Variants in ARMC9 observed in about 807,000 individuals in gnomAD.
ARMC9 encodes the protein lisH domain-containing protein ARMC9.
Under a neutral mutation model 107.0 loss-of-function variants are expected in ARMC9, and 94 were observed. That is an observed-to-expected ratio of 0.88 (90% CI 0.74 to 1.04). The LOEUF (loss-of-function observed/expected upper bound fraction) is 1.04. ARMC9 is among the 50% of genes least tolerant of loss of function. The probability of loss-of-function intolerance (pLI) is 0.00; values close to 1 mark genes in which losing one functional copy is unlikely to be tolerated. For missense variants in ARMC9, 942 were observed against 1,030.1 expected, an observed-to-expected ratio of 0.91 and a Z score of 1.17; for synonymous variants, 380 against 396.9, an observed-to-expected ratio of 0.96 and a Z score of 0.51.
At chr2:231,200,908 GA>G (rs2125296205) in intron 1 of ARMC9, among the ~76,000 whole-genome samples, 1 of 152,018 alleles carries the variant, frequency 6.6e-6, no homozygotes, top group East Asian at 1.9e-4. Flanking sequence ...TTCTTGAAAA[GA>G]GATTAAATCT....
At chr2:231,303,558 T>C (rs1157405780) in intron 19 of ARMC9, among the ~76,000 whole-genome samples, 1 of 152,240 alleles carries the variant, frequency 6.6e-6, no homozygotes, top group East Asian at 1.9e-4. Flanking sequence ...AGTGTTGGGT[T>C]TTGTTAAATG....
rs114021543 is a variant in ARMC9 at position 231,330,389 on chromosome 2, C to T, written c.1774-1404C>T. ...GATGGGGGGTCCCGGAAACCCACTA[C>T]GCCTCCACTAATGCCTCCCTGCCTA... On this transcript the variant is annotated intron_variant, in intron 19 of 24. Coordinates refer to ENST00000611582, the MANE Select transcript of ARMC9 (RefSeq NM_001352754.2). Among the ~76,000 whole-genome samples, 1,261 of 152,272 alleles carry T rather than the reference C, an allele frequency of 8.3e-3. 9 individuals carry two copies. The highest frequency in any genetic ancestry group is 0.016 in the African/African-American group (669 of 41,552).
chr2:231,343,831 G>A (rs1231383111), intron 20 of ARMC9, among the ~76,000 whole-genome samples: 1 of 151,812 alleles, frequency 6.6e-6, no homozygotes, highest in African/African-American at 2.4e-5. Flanking sequence ...CCCATCTACT[G>A]GGGAGGCTAA....
intron 23 of ARMC9, among the ~76,000 whole-genome samples, chr2:231,365,797 GTTTCTT>G (rs2045793085): frequency 6.6e-6 from 1 of 151,938 alleles, no homozygotes; most frequent in Admixed American, 6.6e-5. Context: ...TTCATGTGTC[GTTTCTT>G]TTTCTTTTTT....
intron 21 of ARMC9, among the ~76,000 whole-genome samples, chr2:231,353,456 A>G (rs1414421885): frequency 7.7e-6 from 1 of 129,820 alleles, no homozygotes; most frequent in East Asian, 1.9e-4. Flanking sequence ...TGCTGGGATT[A>G]CAGGTGTGAG....
In ARMC9 at chr2:231,342,385, C is replaced by T. The variant is rs142998872; in HGVS notation, c.1879-2590C>T. 3.6e-3 allele frequency among the ~76,000 whole-genome samples: 551 copies of T among 152,316 alleles called. 2 individuals carry two copies. Among genetic ancestry groups the T allele is most frequent in the African/African-American group, 0.011 (470 of 41,566 alleles). On this transcript the variant is annotated intron_variant, in intron 20 of 24. Coordinates refer to ENST00000611582, the MANE Select transcript of ARMC9 (RefSeq NM_001352754.2). ...TAACTGGCAGAGTCTAAAATATTCT[C>T]GAATACGTGACATGTTCTGTCATTT... is the stretch of plus-strand genomic sequence containing the variant.
At chr2:231,347,515 G>A (rs1230049214) in intron 21 of ARMC9, among the ~76,000 whole-genome samples, 2 of 152,098 alleles carry the variant, frequency 1.3e-5, no homozygotes, top group East Asian at 1.9e-4. Context: ...TCTGTCCTTT[G>A]CATCTCGAGC....
chr2:231,258,480 C>T, intron 10 of ARMC9, among the ~76,000 whole-genome samples: 1 of 152,152 alleles, frequency 6.6e-6, no homozygotes, highest in East Asian at 1.9e-4. Context: ...CACGCCCGGC[C>T]CCCGACTGCT....
At chr2:231,225,834 A>G (rs1446026591) in intron 6 of ARMC9, among the ~76,000 whole-genome samples, 1 of 152,226 alleles carries the variant, frequency 6.6e-6, no homozygotes, top group African/African-American at 2.4e-5. Context: ...ACTGAAAACC[A>G]TTGAAATGTA....
At position 231,291,395 on chromosome 2, in the gene ARMC9, G is replaced by A. The variant is rs2125472073; in HGVS notation, c.1669G>A (p.Ala557Thr). 1 of 1,613,810 alleles carries A rather than the reference G, an allele frequency of 6.2e-7. No homozygotes were observed. Among genetic ancestry groups the A allele is most frequent in the Non-Finnish European group, 8.5e-7 (1 of 1,179,830 alleles). ...ACGCTGCTTCATCAAAGAAGGCAATGCTGAAATGATCCGCCAGATAGAATT... is the reference window on the plus strand; with the variant it reads ...ACGCTGCTTCATCAAAGAAGGCAATACTGAAATGATCCGCCAGATAGAATT... ...ILRCFIKEGN[A>T]EMIRQIEFII... The change falls in exon 18 of 25, where the codon GCT (alanine) becomes ACT (threonine). Residue 557 changes from alanine (A) to threonine (T), a missense_variant. Physicochemically the swap from Ala to Thr is moderately conservative, Grantham distance 58. Coordinates refer to ENST00000611582, the MANE Select transcript of ARMC9 (RefSeq NM_001352754.2).
At chr2:231,240,118 C>T (rs1280420002) in intron 9 of ARMC9, 77 bp downstream of exon 9, 1 of 1,240,674 alleles carries the variant, frequency 8.1e-7, no homozygotes, top group Non-Finnish European at 1.1e-6. Context: ...TTAAAAATAG[C>T]ATGAAAAAAT....
chr2:231,348,302 A>T (rs1206450636), intron 21 of ARMC9, among the ~76,000 whole-genome samples: 2 of 152,250 alleles, frequency 1.3e-5, no homozygotes, highest in African/African-American at 2.4e-5. Context: ...CCATGAGCCG[A>T]GGAATGCAGA....
Position 231,296,228 on chromosome 2 carries a change from A to C in ARMC9, c.1748A>C (p.Asp583Ala). ...CTACCAGATGGTGTTCTTGAATCTG[A>C]TGATGATGAAGATGAAGATGATGAA... ...EELPDGVLES[D>A]DDEDEDDEED... Residue 583 changes from aspartate (D) to alanine (A), a missense_variant, in exon 19 of 25, where the codon GAT becomes GCT. Asp to Ala is a moderately radical substitution (Grantham distance 126, BLOSUM62 -2). Transcript: ENST00000611582. 1 of 1,613,312 alleles carries C rather than the reference A, an allele frequency of 6.2e-7. No individual in the cohort carries two copies.
chr2:231,324,907 C>A (rs2043226971), intron 19 of ARMC9, among the ~76,000 whole-genome samples: 1 of 147,300 alleles, frequency 6.8e-6, no homozygotes, highest in Non-Finnish European at 1.5e-5. Flanking sequence ...AACCCCATCT[C>A]AAAAAAAAAA....
At chr2:231,354,891 C>T (rs942951368) in intron 21 of ARMC9, among the ~76,000 whole-genome samples, 3 of 152,240 alleles carry the variant, frequency 2.0e-5, no homozygotes, top group Non-Finnish European at 2.9e-5. Flanking sequence ...ATGAGGCTGT[C>T]CCAGCCAGCT....
In ARMC9 at chr2:231,308,651, G is replaced by A. The variant is rs192532062; in HGVS notation, c.1773+12398G>A. ...TTGCACGTGTCAGGAGGCACAACAAGATGATGTGGCTAGAACGGAAAATGA... is the reference window on the plus strand; with the variant it reads ...TTGCACGTGTCAGGAGGCACAACAAAATGATGTGGCTAGAACGGAAAATGA... On this transcript the variant is annotated intron_variant, in intron 19 of 24. Transcript: ENST00000611582. Among the ~76,000 whole-genome samples the A allele has an allele frequency of 3.9e-5, 6 of 152,354 alleles. No homozygotes were observed. The East Asian group carries it at 1.2e-3, about 29-fold the overall frequency.
intron 6 of ARMC9, among the ~76,000 whole-genome samples, chr2:231,224,515 T>C (rs1187656080): frequency 6.6e-6 from 1 of 152,174 alleles, no homozygotes; most frequent in Non-Finnish European, 1.5e-5. Flanking sequence ...GAAGATTGAG[T>C]TAATACATAT....
At chr2:231,324,534 C>G (rs2043204112) in intron 19 of ARMC9, among the ~76,000 whole-genome samples, 1 of 150,414 alleles carries the variant, frequency 6.6e-6, no homozygotes. Flanking sequence ...GGCAGATCAC[C>G]TGAGGTTGGG....
At chr2:231,259,499 A>G (rs932929726) in intron 11 of ARMC9, among the ~76,000 whole-genome samples, 3 of 152,226 alleles carry the variant, frequency 2.0e-5, no homozygotes, top group African/African-American at 7.2e-5. Flanking sequence ...ACTCCTGTTC[A>G]CAGGGCCTAA....
Sources: allele counts gnomAD v4.1 joint callset (sites outside exome capture counted in the v4.1 genomes callset), GRCh38; gene constraint gnomAD v4.1.1; transcripts MANE v1.5; gene names NCBI Gene and HGNC (gene_info 2026-07-23, HGNC 2026-07-21).